GLT8D2: variants seen among roughly 807,000 people sequenced by gnomAD.
GLT8D2 encodes the protein glycosyltransferase 8 domain-containing protein 2.
A neutral mutation model predicts 44.5 loss-of-function variants in GLT8D2; 45 were observed. The ratio of observed to expected loss-of-function variants is 1.01; its 90% CI spans 0.80 to 1.30. The LOEUF (loss-of-function observed/expected upper bound fraction) is 1.30. Ranked by LOEUF, GLT8D2 falls within the 50% of genes most tolerant of loss-of-function variation. The pLI, the probability that GLT8D2 is intolerant of heterozygous loss-of-function variation, is 0.00. For synonymous variants in GLT8D2, 156 were observed against 157.2 expected, an observed-to-expected ratio of 0.99 and a Z score of 0.06; for missense variants, 400 against 430.4, an observed-to-expected ratio of 0.93 and a Z score of 0.62.
upstream of GLT8D2, among the ~76,000 whole-genome samples, chr12:104,053,631 TCC>T (rs960145409): frequency 6.6e-6 from 1 of 152,210 alleles, no homozygotes; most frequent in African/African-American, 2.4e-5. Context: ...ACACCTGTAA[TCC>T]CAGCACTTTG....
At chr12:104,049,691 A>G (rs1881535440) in intron 1 of GLT8D2, among the ~76,000 whole-genome samples, 1 of 152,198 alleles carries the variant, frequency 6.6e-6, no homozygotes, top group Non-Finnish European at 1.5e-5. Flanking sequence ...AACATTGCAC[A>G]CTGGATTTGC....
At chr12:104,015,990 CCAAAA>C (rs1300243490) in intron 3 of GLT8D2, among the ~76,000 whole-genome samples, 2 of 152,116 alleles carry the variant, frequency 1.3e-5, no homozygotes, top group East Asian at 1.9e-4. Flanking sequence ...GACCTTCCTT[CCAAAA>C]CAAAACAAAA....
chr12:104,040,048 G>C (rs906002546), intron 1 of GLT8D2, among the ~76,000 whole-genome samples: 4 of 152,152 alleles, frequency 2.6e-5, no homozygotes, highest in African/African-American at 9.7e-5. Context: ...CACAAGGACA[G>C]AAAACCAAAC....
At chr12:103,996,945 G>T in intron 7 of GLT8D2, 98 bp from the exon 8 acceptor site, 1 of 724,328 alleles carries the variant, frequency 1.4e-6, no homozygotes, top group Non-Finnish European at 2.3e-6. Context: ...TGCTATGGGA[G>T]AAGAGTATTG....
chr12:104,045,429 G>T (rs1195134017), intron 1 of GLT8D2, among the ~76,000 whole-genome samples: 1 of 152,214 alleles, frequency 6.6e-6, no homozygotes, highest in African/African-American at 2.4e-5. Flanking sequence ...GACAGACAGA[G>T]AGGTGGAGCT....
At chr12:103,990,439 C>G (rs935083013) in intron 10 of GLT8D2, among the ~76,000 whole-genome samples, 1 of 152,112 alleles carries the variant, frequency 6.6e-6, no homozygotes, top group Non-Finnish European at 1.5e-5. Flanking sequence ...TGCATTTACC[C>G]TAACAGTGCC....
intron 9 of GLT8D2, chr12:103,994,056 G>A (rs1158936147): frequency 4.7e-6 from 1 of 210,660 alleles, no homozygotes; most frequent in African/African-American, 2.3e-5. Context: ...AATGAAGATT[G>A]TTTGGTGGAA....
In GLT8D2 at chr12:103,999,428, G is replaced by C. The variant is rs1873910919; in HGVS notation, c.371C>G (p.Pro124Arg). The change falls in exon 6 of 11, where the codon CCA becomes CGA. Residue 124 changes from proline to arginine, a missense_variant. Physicochemically the swap from Pro to Arg is moderately radical, Grantham distance 103. Coordinates refer to ENST00000360814, the MANE Select transcript of GLT8D2 (RefSeq NM_001384711.1). ...GAGCAATTCAGGCCTCGATGAGTCT[G>C]GTCTGATCTTCCCTTTGAGGACCAT... ...NPMVLKGKIR[P>R]DSSRPELLQP... The C allele has an allele frequency of 1.2e-6, 2 of 1,612,034 alleles. No individual in the cohort carries two copies. The highest frequency in any genetic ancestry group is 1.7e-6 in the Non-Finnish European group (2 of 1,178,146).
At chr12:104,061,334 T>C (rs1593582286) in intron 1 of GLT8D2, among the ~76,000 whole-genome samples, 2 of 152,174 alleles carry the variant, frequency 1.3e-5, no homozygotes, top group South Asian at 4.1e-4. Context: ...CATAGACTAG[T>C]TTTTTTAAAT....
chr12:104,054,016 C>T (rs1451538454), upstream of GLT8D2, among the ~76,000 whole-genome samples: 8 of 151,946 alleles, frequency 5.3e-5, no homozygotes, highest in Admixed American at 1.3e-4. Context: ...TCAAGATGTA[C>T]GGTGTTGACT....
intron 1 of GLT8D2, chr12:104,030,715 A>C: frequency 6.2e-7 from 1 of 1,609,938 alleles, no homozygotes; most frequent in Non-Finnish European, 8.5e-7. Context: ...ACTTGATTTA[A>C]AAATAGGCAA....
At chr12:104,051,437 T>C (rs1881718144), upstream of GLT8D2, among the ~76,000 whole-genome samples, 2 of 152,222 alleles carry the variant, frequency 1.3e-5, no homozygotes, top group Non-Finnish European at 2.9e-5. Context: ...TTTTATGTTC[T>C]TTGTTTTGTC....
At chr12:104,009,205 C>G (rs1010514212) in intron 4 of GLT8D2, among the ~76,000 whole-genome samples, 2 of 152,200 alleles carry the variant, frequency 1.3e-5, no homozygotes, top group South Asian at 2.1e-4. Flanking sequence ...ATGAAAGCAG[C>G]TGGGAGGGAG....
At chr12:104,058,899 G>A (rs1035103968) in intron 1 of GLT8D2, among the ~76,000 whole-genome samples, 6 of 152,236 alleles carry the variant, frequency 3.9e-5, no homozygotes, top group East Asian at 1.9e-4. Context: ...CTAAAACCAC[G>A]GATAGCACCA....
chr12:104,006,863 C>G (rs1875081008), intron 4 of GLT8D2, among the ~76,000 whole-genome samples: 1 of 152,170 alleles, frequency 6.6e-6, no homozygotes, highest in South Asian at 2.1e-4. Flanking sequence ...AACACACACA[C>G]ACTTAAAAAA....
chr12:104,062,549 G>A (rs909566533), intron 1 of GLT8D2, among the ~76,000 whole-genome samples: 3 of 152,192 alleles, frequency 2.0e-5, no homozygotes, highest in African/African-American at 7.2e-5. Context: ...TACAGTGTCT[G>A]TGTTCTCCTT....
intron 1 of GLT8D2, among the ~76,000 whole-genome samples, chr12:104,023,098 C>T (rs1472690308): frequency 6.6e-6 from 1 of 152,128 alleles, no homozygotes; most frequent in Non-Finnish European, 1.5e-5. Context: ...CACGTATTTC[C>T]TACTGTGAGT....
intron 1 of GLT8D2, among the ~76,000 whole-genome samples, chr12:104,037,059 G>T (rs1030254457): frequency 6.6e-6 from 1 of 152,166 alleles, no homozygotes; most frequent in Non-Finnish European, 1.5e-5. Context: ...GCTCCTGAAG[G>T]ACTACTGGGT....
At chr12:104,055,934 T>C (rs1271974719) in intron 1 of GLT8D2, among the ~76,000 whole-genome samples, 1 of 152,232 alleles carries the variant, frequency 6.6e-6, no homozygotes, top group Admixed American at 6.5e-5. Context: ...TTTTGCCTGG[T>C]GTGGTTCAGT....
Sources: allele counts gnomAD v4.1 joint callset (sites outside exome capture counted in the v4.1 genomes callset), GRCh38; gene constraint gnomAD v4.1.1; transcripts MANE v1.5; gene names NCBI Gene and HGNC (gene_info 2026-07-23, HGNC 2026-07-21).